XPNPEP1: variants seen among roughly 807,000 people sequenced by gnomAD.
The protein encoded by XPNPEP1 is X-prolyl aminopeptidase 1, also known as xaa-Pro aminopeptidase 1.
In XPNPEP1, 39 loss-of-function variants were observed where a neutral mutation model predicts 92.4. That is an observed-to-expected ratio of 0.42 (90% confidence interval 0.33 to 0.55). The LOEUF is 0.55. Ranked by LOEUF, XPNPEP1 falls within the 20% of genes least tolerant of loss-of-function variation. XPNPEP1 has a pLI of 0.08. For missense variants in XPNPEP1, 654 were observed against 856.1 expected (o/e 0.76, Z 2.95); for synonymous variants, 307 against 299.4 (o/e 1.03, Z -0.26).
intron 6 of XPNPEP1, 128 bp downstream of exon 6, chr10:109,888,375 G>A (rs1449193997): frequency 9.8e-6 from 12 of 1,227,102 alleles, no homozygotes; most frequent in Non-Finnish European, 6.7e-6. Flanking sequence ...TCTTCACCCT[G>A]ACCTCTACTA....
At chr10:109,908,107 G>A (rs1444696911) in intron 2 of XPNPEP1, among the ~76,000 whole-genome samples, 1 of 152,216 alleles carries the variant, frequency 6.6e-6, no homozygotes, top group Non-Finnish European at 1.5e-5. Flanking sequence ...TTCAAGAATA[G>A]GAGATAAGTA....
chr10:109,888,309 G>A (rs1002407337), intron 6 of XPNPEP1, 117 bp from the exon 7 acceptor site: 2 of 1,418,180 alleles, frequency 1.4e-6, no homozygotes, highest in East Asian at 4.9e-5. Flanking sequence ...GCCCAGAGCT[G>A]GGTGTGCAGG....
chr10:109,873,280 A>T, intron 16 of XPNPEP1, 87 bp downstream of exon 16: 1 of 1,505,832 alleles, frequency 6.6e-7, no homozygotes, highest in African/African-American at 1.4e-5. Flanking sequence ...TGTAATTTTT[A>T]CTTCTTTATA....
intron 11 of XPNPEP1, 31 bp downstream of exon 11, chr10:109,880,811 T>A (rs1848049597): frequency 6.2e-7 from 1 of 1,608,892 alleles, no homozygotes; most frequent in African/African-American, 1.3e-5. Flanking sequence ...CCACCTCACA[T>A]CCCATCTTCT....
At chr10:109,923,338 C>T (rs937258676) in intron 1 of XPNPEP1, 64 bp downstream of exon 1, 37 of 1,381,756 alleles carry the variant, frequency 2.7e-5, no homozygotes, top group Middle Eastern at 2.7e-4. Context: ...AGGTGCAACA[C>T]GCGCGGCCGC....
chr10:109,868,348 G>A lies in XPNPEP1; in HGVS notation c.1872+266C>T, dbSNP rs1043725314. On this transcript the variant is annotated intron_variant, in intron 20 of 20. Coordinates refer to ENST00000502935, the MANE Select transcript of XPNPEP1 (RefSeq NM_020383.4). The stretch of plus-strand genomic sequence containing the variant: ...ATAGTACAGCCAAACAATGGCATAC[G>A]AGTTCCACCCACAAACCCTACAGCC... Among the ~76,000 whole-genome samples, 4 of 151,546 alleles carry A rather than the reference G, an allele frequency of 2.6e-5. No individual in the cohort carries two copies. In the South Asian group the frequency reaches 6.3e-4, roughly 24 times the overall value.
chr10:109,923,180 C>G, intron 1 of XPNPEP1: 3 of 985,394 alleles, frequency 3.0e-6, no homozygotes, highest in Non-Finnish European at 3.6e-6. Flanking sequence ...TCGGGCCGCC[C>G]CGTGCCCACC....
intron 10 of XPNPEP1, among the ~76,000 whole-genome samples, 162 bp from the exon 11 acceptor site, chr10:109,881,093 C>T (rs1261648821): frequency 6.6e-6 from 1 of 152,174 alleles, no homozygotes; most frequent in African/African-American, 2.4e-5. Context: ...ACGACCTGTC[C>T]CTTTTGATTG....
intron 2 of XPNPEP1, among the ~76,000 whole-genome samples, chr10:109,914,667 G>T (rs1850077709): frequency 1.3e-5 from 2 of 151,952 alleles, no homozygotes; most frequent in Non-Finnish European, 2.9e-5. Flanking sequence ...GTGGTGTCGG[G>T]CGCCTGTAAT....
chr10:109,923,291 C>T (rs1850661414), intron 1 of XPNPEP1, 111 bp downstream of exon 1: 3 of 1,221,798 alleles, frequency 2.5e-6, no homozygotes, highest in Non-Finnish European at 3.1e-6. Flanking sequence ...CAGACTGCGG[C>T]GGGCCGGGCT....
chr10:109,899,345 C>T (rs1019305577), intron 3 of XPNPEP1, among the ~76,000 whole-genome samples: 1 of 152,136 alleles, frequency 6.6e-6, no homozygotes, highest in African/African-American at 2.4e-5. Flanking sequence ...TGAGTGTGCC[C>T]TGTCCATACT....
chr10:109,880,722 G>A (rs1848044927), intron 11 of XPNPEP1, 120 bp downstream of exon 11: 9 of 898,344 alleles, frequency 1.0e-5, no homozygotes, highest in Non-Finnish European at 1.3e-5. Context: ...TGGAAGGCCA[G>A]GAGGCTGAGG....
rs114568527 is a variant in XPNPEP1 at position 109,912,741 on chromosome 10, C to G, written c.121+2270G>C. ...AATGTTATTAGAGTTAGACACACAA[C>G]TAACCATAAATGCAATGTGATAAAT... On this transcript the variant is annotated intron_variant, in intron 2 of 20. Coordinates refer to ENST00000502935, the MANE Select transcript of XPNPEP1 (RefSeq NM_020383.4). 9.2e-3 allele frequency among the ~76,000 whole-genome samples: 1,403 copies of G among 152,308 alleles called. 32 individuals carry two copies. Among genetic ancestry groups the G allele is most frequent in the African/African-American group, 0.031 (1,300 of 41,562 alleles).
chr10:109,886,006 G>A (rs989000143), intron 8 of XPNPEP1, among the ~76,000 whole-genome samples: 4 of 152,190 alleles, frequency 2.6e-5, no homozygotes, highest in Admixed American at 6.5e-5. Flanking sequence ...CTGAGGGACT[G>A]GCCAGAGGTG....
chr10:109,905,969 A>C (rs1037683351), intron 3 of XPNPEP1, among the ~76,000 whole-genome samples: 5 of 152,244 alleles, frequency 3.3e-5, no homozygotes, highest in Admixed American at 2.0e-4. Flanking sequence ...CTCCAGGCAG[A>C]GATCCAATCT....
chr10:109,905,360 C>T (rs1849502620), intron 3 of XPNPEP1, among the ~76,000 whole-genome samples: 1 of 152,142 alleles, frequency 6.6e-6, no homozygotes, highest in Admixed American at 6.5e-5. Context: ...CAGGCACGTG[C>T]TACCAAGCCT....
intron 2 of XPNPEP1, among the ~76,000 whole-genome samples, chr10:109,914,063 A>G (rs1850033647): frequency 6.8e-6 from 1 of 146,546 alleles, no homozygotes; most frequent in African/African-American, 2.6e-5. Context: ...ATGTACTTCA[A>G]GAGATCAATT....
chr10:109,907,401 GT>G (rs1849611681), intron 3 of XPNPEP1, among the ~76,000 whole-genome samples: 1 of 152,254 alleles, frequency 6.6e-6, no homozygotes, highest in Admixed American at 6.5e-5. Flanking sequence ...TAGGAACACA[GT>G]GTGGCAGAGG....
At chr10:109,872,058 T>C (rs552824515) in intron 16 of XPNPEP1, among the ~76,000 whole-genome samples, 197 bp from the exon 17 acceptor site, 35 of 152,330 alleles carry the variant, frequency 2.3e-4, no homozygotes, top group African/African-American at 7.9e-4. Context: ...AAATTCAATT[T>C]AGTAGAAGAG....
Sources: allele counts gnomAD v4.1 joint callset (sites outside exome capture counted in the v4.1 genomes callset), GRCh38; gene constraint gnomAD v4.1.1; transcripts MANE v1.5; gene names NCBI Gene and HGNC (gene_info 2026-07-23, HGNC 2026-07-21).